The following TIAM2 variants were observed in gnomAD, a reference collection of about 807,000 sequenced individuals.
TIAM2 encodes rho guanine nucleotide exchange factor TIAM2.
A neutral mutation model predicts 152.9 loss-of-function variants in TIAM2; 80 were observed. That is an observed-to-expected ratio of 0.52 (90% CI 0.44 to 0.63). TIAM2 has a LOEUF of 0.63. Among genes scored for constraint, TIAM2 ranks in the 30% least tolerant of loss-of-function variants. The pLI, the probability that TIAM2 is intolerant of heterozygous loss-of-function variation, is 0.00. For missense variants in TIAM2, 1,965 were observed against 2,120.1 expected (o/e 0.93, Z 1.44); for synonymous variants, 804 against 838.0 (o/e 0.96, Z 0.70).
intron 21 of TIAM2, 77 bp downstream of exon 21, chr6:155,250,046 C>A: frequency 2.9e-6 from 3 of 1,019,494 alleles, no homozygotes; most frequent in Non-Finnish European, 4.4e-6. Flanking sequence ...GATAGGCTGC[C>A]CTGTTAGGAC....
chr6:155,133,892 T>G (rs988863235), intron 4 of TIAM2, among the ~76,000 whole-genome samples: 1 of 152,096 alleles, frequency 6.6e-6, no homozygotes, highest in Non-Finnish European at 1.5e-5. Flanking sequence ...TGATTTTGTG[T>G]TTTTAGTAGA....
intron 16 of TIAM2, 69 bp from the exon 17 acceptor site, chr6:155,243,942 T>G (rs1783183788): frequency 2.3e-6 from 3 of 1,321,378 alleles, no homozygotes; most frequent in African/African-American, 2.9e-5. Flanking sequence ...GCCAGGTTGC[T>G]GCTACCCAAA....
rs915633607 is a variant in TIAM2 at position 154,995,983 on chromosome 6, G to C, written c.-209+491G>C. Among the ~76,000 whole-genome samples, 7 of 152,196 alleles carry C rather than the reference G, an allele frequency of 4.6e-5. No individual in the cohort carries two copies. The highest frequency in any genetic ancestry group is 1.7e-4 in the African/African-American group (7 of 41,462). On this transcript the variant is annotated intron_variant, in intron 1 of 26. Coordinates refer to ENST00000682666, the MANE Select transcript of TIAM2 (RefSeq NM_012454.4). This position sits in a 1 kb window ranked among gnomAD's most constrained non-coding sequence, Gnocchi z 5.2. The stretch of plus-strand genomic sequence containing the variant: ...CGGCGAAGCAGGATCCCAGGCGGTC[G>C]GCTCAGCGAGTGTAGACCGTGCGGT...
At chr6:155,113,347 T>C (rs1778906244) in intron 2 of TIAM2, among the ~76,000 whole-genome samples, 1 of 152,160 alleles carries the variant, frequency 6.6e-6, no homozygotes, top group Non-Finnish European at 1.5e-5. Flanking sequence ...AATTGCAGCA[T>C]CCTTCCCCTC....
intron 2 of TIAM2, among the ~76,000 whole-genome samples, chr6:155,109,946 CTT>C (rs72211101): frequency 0.2 from 27,496 of 137,904 alleles, 2,985 homozygotes; most frequent in East Asian, 0.39. Context: ...AATGCACAGA[CTT>C]TTTTTTTTTT....
At chr6:155,244,458 A>T (rs1001972958) in intron 17 of TIAM2, among the ~76,000 whole-genome samples, 200 bp from the exon 18 acceptor site, 1 of 152,218 alleles carries the variant, frequency 6.6e-6, no homozygotes, top group Admixed American at 6.5e-5. Flanking sequence ...AGTAATAGAG[A>T]ATTATGGGGG....
chr6:155,091,401 G>C (rs1778302718), intron 2 of TIAM2, among the ~76,000 whole-genome samples: 1 of 152,206 alleles, frequency 6.6e-6, no homozygotes, highest in Non-Finnish European at 1.5e-5. Flanking sequence ...TTGCACAGCA[G>C]ATATGTTTTG....
At chr6:155,035,243 A>G (rs992875748) in intron 1 of TIAM2, among the ~76,000 whole-genome samples, 1 of 150,130 alleles carries the variant, frequency 6.7e-6, no homozygotes, top group Non-Finnish European at 1.5e-5. Flanking sequence ...TTTTTTTTGA[A>G]ACGGAGTCTT....
At chr6:155,081,621 CTT>C (rs1778064330) in intron 1 of TIAM2, among the ~76,000 whole-genome samples, 1 of 152,196 alleles carries the variant, frequency 6.6e-6, no homozygotes, top group Admixed American at 6.5e-5. Flanking sequence ...CTGAAAGCCA[CTT>C]ATTCCACAGG....
At position 155,183,444 on chromosome 6, in the gene TIAM2, A is replaced by C. The variant is rs372570075; in HGVS notation, c.3008A>C (p.Asn1003Thr). ...CAGAAGAGTCTGCTGCCCCCTCCTA[A>C]CCAGTCCCAACTGCTGGAGGAATTC... is the stretch of plus-strand genomic sequence containing the variant. ...RDQKSLLPPP[N>T]QSQLLEEFLD... Residue 1003 changes from asparagine to threonine, a missense_variant, in exon 14 of 27, where the codon AAC (asparagine) becomes ACC (threonine). This residue lies in a region of TIAM2 where 935 missense variants were observed against 980.0 expected (regional missense o/e 0.95). Transcript: ENST00000682666. 1.9e-6 allele frequency: 3 copies of C among 1,613,824 alleles called. No individual in the cohort carries two copies. In the African/African-American group the frequency reaches 4.0e-5, roughly 22 times the overall value.
intron 1 of TIAM2, among the ~76,000 whole-genome samples, chr6:155,029,448 GT>G (rs1776755638): frequency 6.8e-5 from 2 of 29,262 alleles, no homozygotes; most frequent in African/African-American, 3.5e-4. Context: ...TTATACTATA[GT>G]ATATATTATA....
At chr6:155,097,482 C>T (rs1778440735) in intron 2 of TIAM2, among the ~76,000 whole-genome samples, 1 of 152,158 alleles carries the variant, frequency 6.6e-6, no homozygotes. Context: ...GCTGGGAATA[C>T]AGGCACTCAC....
intron 5 of TIAM2, among the ~76,000 whole-genome samples, chr6:155,138,529 G>A (rs1283250366): frequency 6.6e-6 from 1 of 151,744 alleles, no homozygotes; most frequent in Non-Finnish European, 1.5e-5. Flanking sequence ...TTGGTTTGCT[G>A]CACCCATCAA....
At position 155,240,725 on chromosome 6, in the gene TIAM2, G is replaced by C; in HGVS notation, c.3348+16G>C. ...CTACGTGAAGGTAAGGGAAGAGCTG[G>C]CATTTATGCATTCGTGCCTCTTTGA... is the stretch of plus-strand genomic sequence containing the variant. On this transcript the variant is annotated intron_variant, in intron 16 of 26. Coordinates refer to ENST00000682666, the MANE Select transcript of TIAM2 (RefSeq NM_012454.4). The C allele has an allele frequency of 6.3e-7, 1 of 1,599,858 alleles. No homozygotes were observed. Among genetic ancestry groups the C allele is most frequent in the South Asian group, 1.1e-5 (1 of 90,670 alleles).
chr6:155,025,965 T>C (rs571258034), intron 1 of TIAM2, among the ~76,000 whole-genome samples: 5 of 151,844 alleles, frequency 3.3e-5, no homozygotes, highest in Non-Finnish European at 7.4e-5. Flanking sequence ...AGTTGTGGGG[T>C]CTCAGAACAT....
chr6:155,096,725 A>G (rs1376689856), intron 2 of TIAM2, among the ~76,000 whole-genome samples: 1 of 152,164 alleles, frequency 6.6e-6, no homozygotes, highest in Non-Finnish European at 1.5e-5. Flanking sequence ...TTATGTATAT[A>G]TACCACATTT....
intron 2 of TIAM2, among the ~76,000 whole-genome samples, chr6:155,106,782 T>C (rs915458744): frequency 6.6e-6 from 1 of 152,212 alleles, no homozygotes; most frequent in African/African-American, 2.4e-5. Flanking sequence ...AATTATGGAA[T>C]GCAGGCCCAA....
At chr6:155,234,299 TTTTA>T (rs1240989004) in intron 15 of TIAM2, among the ~76,000 whole-genome samples, 10 of 152,206 alleles carry the variant, frequency 6.6e-5, no homozygotes, top group South Asian at 4.1e-4. Flanking sequence ...TGTCTTTTGC[TTTTA>T]TTTATTTACT....
intron 14 of TIAM2, among the ~76,000 whole-genome samples, chr6:155,194,757 T>C (rs1781296434): frequency 6.6e-6 from 1 of 152,206 alleles, no homozygotes. Context: ...CATTTCAACA[T>C]TGACATGATT....
Sources: allele counts gnomAD v4.1 joint callset (sites outside exome capture counted in the v4.1 genomes callset), GRCh38; gene constraint gnomAD v4.1.1; regional missense constraint gnomAD v4.1.1; non-coding constraint Gnocchi (gnomAD v3.1); transcripts MANE v1.5; gene names NCBI Gene and HGNC (gene_info 2026-07-23, HGNC 2026-07-21).